The following TDRD7 variants were observed in gnomAD, a reference collection of about 807,000 sequenced individuals.
TDRD7 encodes tudor domain containing 7, also known as tudor domain-containing protein 7.
In TDRD7, 47 loss-of-function variants were observed where a neutral mutation model predicts 109.8. The ratio of observed to expected loss-of-function variants is 0.43; its 90% confidence interval spans 0.34 to 0.55. TDRD7 has a LOEUF of 0.55. TDRD7 is among the 20% of genes least tolerant of loss of function. The pLI is 0.03. For missense variants in TDRD7, 1,164 were observed against 1,319.2 expected (o/e 0.88, Z 1.82); for synonymous variants, 424 against 457.3 (o/e 0.93, Z 0.93).
Position 97,482,239 on chromosome 9 carries a change from C to T in TDRD7, c.2413-610C>T, listed in dbSNP as rs141877191. 8.4e-3 allele frequency among the ~76,000 whole-genome samples: 1,275 copies of T among 152,242 alleles called. 6 individuals carry two copies. The highest frequency in any genetic ancestry group is 0.013 in the Non-Finnish European group (918 of 68,000). On this transcript the variant is annotated intron_variant, in intron 14 of 16. Transcript: ENST00000355295. ...TTGACCCGTTCTGTGGAGCTTGCTT[C>T]CTCTTTTTCTCCCCAGGTCCCTCTC... is the stretch of plus-strand genomic sequence containing the variant.
chr9:97,478,571 C>T lies in TDRD7; in HGVS notation c.2299C>T (p.Gln767Ter). The T allele has an allele frequency of 1.9e-6, 3 of 1,613,826 alleles. No individual in the cohort carries two copies. Among genetic ancestry groups the T allele is most frequent in the Non-Finnish European group, 2.5e-6 (3 of 1,179,848 alleles). Residue 767 changes from glutamine to a stop codon, truncating the protein, a stop_gained and splice_region_variant, in exon 13 of 17, where the codon CAG becomes TAG. Transcript: ENST00000355295. LOFTEE classifies it high-confidence loss of function. The part of the protein sequence containing the change: ...FLQEMIAIPP[Q>*]AIKCCLADLP... ...ACAAGAAATGATTGCAATACCACCT[C>T]AGGTACTATGTTACCAGCCTGGGAG...
In TDRD7 at chr9:97,430,922, C is replaced by G. The variant is rs762816881; in HGVS notation, c.208-11C>G. Reference sequence around the variant, plus strand: ...AAATGTTTCTCCTCTTACCCTGCCTCTAATGAATAGATTACCTGCTATGCC... The same window carrying G: ...AAATGTTTCTCCTCTTACCCTGCCTGTAATGAATAGATTACCTGCTATGCC... On this transcript the variant is annotated splice_polypyrimidine_tract_variant and intron_variant, in intron 2 of 16. Transcript: ENST00000355295. The G allele has an allele frequency of 1.6e-5, 26 of 1,613,586 alleles. No homozygotes were observed. The highest frequency in any genetic ancestry group is 2.0e-5 in the Non-Finnish European group (24 of 1,179,744).
intron 9 of TDRD7, among the ~76,000 whole-genome samples, chr9:97,471,742 T>A (rs1828917238): frequency 6.6e-6 from 1 of 152,334 alleles, no homozygotes; most frequent in East Asian, 1.9e-4. Flanking sequence ...AAAGAGTAGT[T>A]GGACTACAAC....
At chr9:97,477,985 G>A (rs572840984) in intron 12 of TDRD7, among the ~76,000 whole-genome samples, 5 of 152,210 alleles carry the variant, frequency 3.3e-5, no homozygotes, top group Admixed American at 2.0e-4. Flanking sequence ...TAGGCTGGGC[G>A]CGGTGGCTCA....
intron 1 of TDRD7, among the ~76,000 whole-genome samples, chr9:97,417,344 C>T (rs1047940945): frequency 3.3e-5 from 5 of 151,968 alleles, no homozygotes; most frequent in Non-Finnish European, 5.9e-5. Context: ...TTTTGAGTGA[C>T]GTGATATAAT....
intron 11 of TDRD7, among the ~76,000 whole-genome samples, chr9:97,474,742 A>AT: frequency 6.6e-6 from 1 of 152,298 alleles, no homozygotes; most frequent in Non-Finnish European, 1.5e-5. Flanking sequence ...AAAGGACTCG[A>AT]TATTTCCTAC....
rs1409616001 is a variant in TDRD7, at chr9:97,420,332, A to G, written c.-7+8094A>G. Among the ~76,000 whole-genome samples, 12 of 138,962 alleles carry G rather than the reference A, an allele frequency of 8.6e-5. No homozygotes were observed. The East Asian group carries it at 2.6e-3, about 30-fold the overall frequency. 91.2% of individuals were successfully genotyped at this position (138,962 alleles called of 152,430 possible). ...GTGTATGAACCAGAGAGGGCTGACC[A>G]CAGAGAAGCATAGCTTAAAAGAACT... is the stretch of plus-strand genomic sequence containing the variant. On this transcript the variant is annotated intron_variant, in intron 1 of 16. Coordinates refer to ENST00000355295, the MANE Select transcript of TDRD7 (RefSeq NM_014290.3).
intron 8 of TDRD7, 59 bp downstream of exon 8, chr9:97,465,087 A>G: frequency 6.5e-7 from 1 of 1,542,492 alleles, no homozygotes; most frequent in South Asian, 1.2e-5. Flanking sequence ...TATTTTCCAA[A>G]TGTAAATATT....
chr9:97,467,037 A>G (rs953727578), intron 8 of TDRD7, among the ~76,000 whole-genome samples: 1 of 152,162 alleles, frequency 6.6e-6, no homozygotes, highest in Non-Finnish European at 1.5e-5. Flanking sequence ...ACTAGTCCTG[A>G]GTCTGCCTGT....
chr9:97,480,761 T>C (rs1829102101), intron 13 of TDRD7, 67 bp from the exon 14 acceptor site: 1 of 1,260,260 alleles, frequency 7.9e-7, no homozygotes, highest in Non-Finnish European at 1.2e-6. Context: ...GAAAATAATA[T>C]TAACATTACT....
chr9:97,449,235 G>A (rs113421654), intron 6 of TDRD7, among the ~76,000 whole-genome samples: 4 of 152,260 alleles, frequency 2.6e-5, no homozygotes, highest in Admixed American at 6.5e-5. Context: ...AAATGTGGGC[G>A]TTTTCCCCAG....
At chr9:97,426,250 C>A (rs1827992383) in intron 1 of TDRD7, among the ~76,000 whole-genome samples, 1 of 152,060 alleles carries the variant, frequency 6.6e-6, no homozygotes, top group South Asian at 2.1e-4. Context: ...GTTTTCATTT[C>A]TTTTACTTTT....
intron 6 of TDRD7, among the ~76,000 whole-genome samples, chr9:97,453,217 G>A (rs1443653238): frequency 6.6e-6 from 1 of 152,156 alleles, no homozygotes; most frequent in African/African-American, 2.4e-5. Context: ...CTGAAGAAAA[G>A]TTTTAAGGTG....
chr9:97,472,238 A>G, intron 9 of TDRD7, 55 bp from the exon 10 acceptor site: 1 of 1,470,800 alleles, frequency 6.8e-7, no homozygotes, highest in Admixed American at 1.7e-5. Flanking sequence ...CCATCTATTC[A>G]TCTTGAAATG....
At chr9:97,468,696 G>C (rs1828860578) in intron 8 of TDRD7, among the ~76,000 whole-genome samples, 1 of 152,248 alleles carries the variant, frequency 6.6e-6, no homozygotes, top group African/African-American at 2.4e-5. Flanking sequence ...CACCCGCTGA[G>C]GCTGGTGCCA....
rs776647926 is a variant in TDRD7 at position 97,483,008 on chromosome 9, G to T, written c.2572G>T (p.Asp858Tyr). Residue 858 changes from aspartate (D) to tyrosine (Y), a missense_variant, in exon 15 of 17, where the codon GAC becomes TAC. Asp to Tyr is a radical substitution (Grantham distance 160). Coordinates refer to ENST00000355295, the MANE Select transcript of TDRD7 (RefSeq NM_014290.3). The part of the protein sequence containing the change: ...VFLSAISSGA[D>Y]SPNSKNGNMP... Reference sequence around the variant, plus strand: ...TTTGAGTGCCATATCCAGTGGAGCTGACTCTCCCAACAGCAAAAATGGCAA... The same window carrying T: ...TTTGAGTGCCATATCCAGTGGAGCTTACTCTCCCAACAGCAAAAATGGCAA... 1.2e-6 allele frequency: 2 copies of T among 1,614,194 alleles called. No individual in the cohort carries two copies. Among genetic ancestry groups the T allele is most frequent in the South Asian group, 1.1e-5 (1 of 91,088 alleles).
intron 1 of TDRD7, among the ~76,000 whole-genome samples, chr9:97,413,110 G>A (rs34617334): frequency 0.25 from 38,077 of 152,006 alleles, 4,759 homozygotes; most frequent in Middle Eastern, 0.28. Context: ...CACAGATCTA[G>A]TTCATTAACC....
intron 4 of TDRD7, among the ~76,000 whole-genome samples, chr9:97,437,864 T>G (rs7024030): frequency 0.049 from 7,504 of 152,312 alleles, 285 homozygotes; most frequent in African/African-American, 0.11. Flanking sequence ...GTTATAAAAC[T>G]GCTTAGACCT....
At chr9:97,457,373 C>A (rs1403033875) in intron 6 of TDRD7, among the ~76,000 whole-genome samples, 1 of 151,822 alleles carries the variant, frequency 6.6e-6, no homozygotes, top group African/African-American at 2.4e-5. Context: ...CACACACACA[C>A]AAATATATAT....
Sources: allele counts gnomAD v4.1 joint callset (sites outside exome capture counted in the v4.1 genomes callset), GRCh38; gene constraint gnomAD v4.1.1; transcripts MANE v1.5; gene names NCBI Gene and HGNC (gene_info 2026-07-23, HGNC 2026-07-21).